The following CHRM3 variants were observed in gnomAD, a reference collection of about 807,000 sequenced individuals.
CHRM3 encodes the protein cholinergic receptor muscarinic 3.
CHRM3 carries 11 observed loss-of-function variants against 41.8 expected under a neutral mutation model. The observed-to-expected ratio is 0.26, with a 90% CI of 0.17 to 0.44. CHRM3 has a LOEUF of 0.44. Among genes scored for constraint, CHRM3 ranks in the 20% least tolerant of loss-of-function variants. CHRM3 has a pLI of 1.00. For missense variants in CHRM3, 571 were observed against 745.4 expected (o/e 0.77, Z 2.72); for synonymous variants, 297 against 301.4 (o/e 0.99, Z 0.15).
intron 6 of CHRM3, among the ~76,000 whole-genome samples, chr1:239,859,590 A>G (rs901145307): frequency 4.0e-5 from 6 of 151,002 alleles, no homozygotes; most frequent in Non-Finnish European, 8.9e-5. Context: ...AATTTTTAGT[A>G]TTTTTAGTAG....
At chr1:239,840,210 A>C (rs1311704925) in intron 6 of CHRM3, among the ~76,000 whole-genome samples, 3 of 152,148 alleles carry the variant, frequency 2.0e-5, no homozygotes, top group Non-Finnish European at 4.4e-5. Context: ...GAAACATATA[A>C]GTTTGCTTTG....
At position 239,661,735 on chromosome 1, in the gene CHRM3, G is replaced by T. The variant is rs377021638; in HGVS notation, c.-249-16451G>T. On this transcript the variant is annotated intron_variant, in intron 4 of 6. Coordinates refer to ENST00000676153, the MANE Select transcript of CHRM3 (RefSeq NM_001375978.1). ...TATTTTGTATAATACTATAATGGTG[G>T]ATACATCATTATAGATTTGTCAAAA... Among the ~76,000 whole-genome samples, 24 of 152,236 alleles carry T rather than the reference G, an allele frequency of 1.6e-4. 2 individuals carry two copies. In the South Asian group the frequency reaches 5.0e-3, roughly 32 times the overall value.
chr1:239,717,612 G>A (rs2148299523), intron 5 of CHRM3, among the ~76,000 whole-genome samples: 1 of 152,152 alleles, frequency 6.6e-6, no homozygotes, highest in South Asian at 2.1e-4. Flanking sequence ...AAGTCCTAGT[G>A]TGGCAGGAAT....
At chr1:239,517,248 C>T (rs1236519886) in intron 2 of CHRM3, among the ~76,000 whole-genome samples, 7 of 152,126 alleles carry the variant, frequency 4.6e-5, no homozygotes, top group Non-Finnish European at 8.8e-5. Context: ...TTGGAAAGTG[C>T]TAGCTGTGTC....
At chr1:239,817,651 A>G (rs1289538550) in intron 5 of CHRM3, among the ~76,000 whole-genome samples, 2 of 151,888 alleles carry the variant, frequency 1.3e-5, no homozygotes. Flanking sequence ...AAGGACACAC[A>G]TGCAAGACCC....
At chr1:239,551,453 C>T (rs1394374869) in intron 3 of CHRM3, among the ~76,000 whole-genome samples, 4 of 151,346 alleles carry the variant, frequency 2.6e-5, no homozygotes, top group Non-Finnish European at 5.9e-5. Flanking sequence ...TGAGCCACTG[C>T]ACCTGGCCTA....
chr1:239,388,900 G>T (rs1485762429), intron 1 of CHRM3, among the ~76,000 whole-genome samples: 1 of 152,088 alleles, frequency 6.6e-6, no homozygotes, highest in Non-Finnish European at 1.5e-5. Flanking sequence ...GCTATTGTTG[G>T]GCTAGAAAGC....
chr1:239,775,034 C>G (rs1342944644), intron 5 of CHRM3, among the ~76,000 whole-genome samples: 2 of 152,094 alleles, frequency 1.3e-5, no homozygotes, highest in African/African-American at 4.8e-5. Context: ...TATATGAATT[C>G]AGTCTTTCTA....
At chr1:239,798,190 A>T (rs2148903335) in intron 5 of CHRM3, among the ~76,000 whole-genome samples, 1 of 152,142 alleles carries the variant, frequency 6.6e-6, no homozygotes, top group African/African-American at 2.4e-5. Context: ...TGTATTCTTT[A>T]TTGTAAGAAT....
intron 6 of CHRM3, among the ~76,000 whole-genome samples, chr1:239,853,633 A>G (rs1383030929): frequency 6.6e-6 from 1 of 152,068 alleles, no homozygotes; most frequent in African/African-American, 2.4e-5. Context: ...TATTTGTACA[A>G]AAAAATTAAT....
At chr1:239,845,753 C>T (rs943852343) in intron 6 of CHRM3, among the ~76,000 whole-genome samples, 3 of 152,186 alleles carry the variant, frequency 2.0e-5, no homozygotes, top group African/African-American at 4.8e-5. Flanking sequence ...TCTTGCATAC[C>T]GAATTACAGC....
At chr1:239,403,198 G>T (rs569063260) in intron 1 of CHRM3, among the ~76,000 whole-genome samples, 4 of 152,008 alleles carry the variant, frequency 2.6e-5, no homozygotes, top group Admixed American at 2.6e-4. Context: ...CATACGCCTC[G>T]TAGACTTTAC....
At chr1:239,716,393 T>C (rs1572078421) in intron 5 of CHRM3, among the ~76,000 whole-genome samples, 1 of 152,058 alleles carries the variant, frequency 6.6e-6, no homozygotes, top group African/African-American at 2.4e-5. Flanking sequence ...AGAGTGGAGG[T>C]TCAAAAAGAC....
intron 6 of CHRM3, among the ~76,000 whole-genome samples, chr1:239,836,395 T>A (rs1012321184): frequency 1.3e-5 from 2 of 152,194 alleles, no homozygotes; most frequent in African/African-American, 4.8e-5. Context: ...TGTTTTTTTT[T>A]AACAGGCAGA....
At chr1:239,620,711 A>G (rs1339466317) in intron 3 of CHRM3, among the ~76,000 whole-genome samples, 1 of 152,144 alleles carries the variant, frequency 6.6e-6, no homozygotes, top group Non-Finnish European at 1.5e-5. Context: ...TACTATTGCT[A>G]TATTGTTTAT....
chr1:239,721,170 G>T (rs1345777452), intron 5 of CHRM3, among the ~76,000 whole-genome samples: 1 of 151,842 alleles, frequency 6.6e-6, no homozygotes, highest in Non-Finnish European at 1.5e-5. Context: ...ATGGGTTTTA[G>T]TTTCTAAAAG....
At chr1:239,473,635 G>T (rs1397169959) in intron 1 of CHRM3, among the ~76,000 whole-genome samples, 1 of 152,108 alleles carries the variant, frequency 6.6e-6, no homozygotes, top group African/African-American at 2.4e-5. Context: ...CAACTCAAAT[G>T]ACACTGGAAA....
chr1:239,573,099 T>G (rs1661983017), intron 3 of CHRM3, among the ~76,000 whole-genome samples: 1 of 152,166 alleles, frequency 6.6e-6, no homozygotes, highest in African/African-American at 2.4e-5. Flanking sequence ...TCATACCTTC[T>G]CTTCCATGCC....
At position 239,450,133 on chromosome 1, in the gene CHRM3, C is replaced by A. The variant is rs117677435; in HGVS notation, c.-520-42576C>A. 7.8e-4 allele frequency among the ~76,000 whole-genome samples: 119 copies of A among 152,276 alleles called. No homozygotes were observed. The East Asian group carries it at 0.023, about 29-fold the overall frequency. On this transcript the variant is annotated intron_variant, in intron 1 of 6. Coordinates refer to ENST00000676153, the MANE Select transcript of CHRM3 (RefSeq NM_001375978.1). ...GTGAGAGTCTTGTTACCCTTCTATGCTCATTTCAAACATTCCTTCTGAAGT... is the reference window on the plus strand; with the variant it reads ...GTGAGAGTCTTGTTACCCTTCTATGATCATTTCAAACATTCCTTCTGAAGT...
Sources: gnomAD v4.1 joint callset for allele counts (sites outside exome capture counted in the v4.1 genomes callset) on GRCh38, gnomAD v4.1.1 for gene constraint, MANE v1.5 for transcripts, NCBI Gene and HGNC (gene_info 2026-07-23, HGNC 2026-07-21) for gene names.